ENOX1: variants seen among roughly 807,000 people sequenced by gnomAD.
The protein encoded by ENOX1 is candidate growth-related and time keeping constitutive hydroquinone (NADH) oxidase.
A neutral mutation model predicts 82.5 loss-of-function variants in ENOX1; 42 were observed. The ratio of observed to expected loss-of-function variants is 0.51; its 90% CI spans 0.40 to 0.66. The LOEUF (loss-of-function observed/expected upper bound fraction) is 0.66. ENOX1 is among the 30% of genes least tolerant of loss of function. The pLI, the probability that ENOX1 is intolerant of heterozygous loss-of-function variation, is 0.00. For synonymous variants in ENOX1, 271 were observed against 282.2 expected (o/e 0.96, Z 0.40); for missense variants, 608 against 811.6 (o/e 0.75, Z 3.05).
intron 3 of ENOX1, among the ~76,000 whole-genome samples, chr13:43,472,968 TCAGA>T (rs1218668970): frequency 2.0e-5 from 3 of 152,230 alleles, no homozygotes; most frequent in Non-Finnish European, 4.4e-5. Flanking sequence ...GCAGGAATTC[TCAGA>T]CAGGAATAAA....
intron 2 of ENOX1, chr13:43,544,351 T>C (rs1395798125): frequency 2.0e-5 from 3 of 152,188 alleles, no homozygotes; most frequent in African/African-American, 7.2e-5. Context: ...TGATTCATGT[T>C]AAGTGCCTGA....
chr13:43,346,021 C>T (rs752893203), intron 8 of ENOX1, among the ~76,000 whole-genome samples: 1 of 152,164 alleles, frequency 6.6e-6, no homozygotes, highest in Non-Finnish European at 1.5e-5. Flanking sequence ...AAAAAGATTT[C>T]GTTTCACTCA....
At chr13:43,438,900 C>G (rs1239352594) in intron 3 of ENOX1, among the ~76,000 whole-genome samples, 1 of 152,150 alleles carries the variant, frequency 6.6e-6, no homozygotes, top group Non-Finnish European at 1.5e-5. Context: ...CGATCCATAG[C>G]TCTTTGAGTG....
At chr13:43,342,953 G>A (rs183724518) in intron 9 of ENOX1, among the ~76,000 whole-genome samples, 24 of 152,278 alleles carry the variant, frequency 1.6e-4, no homozygotes, top group East Asian at 5.8e-4. Flanking sequence ...CAAAGAAAAC[G>A]AAGTTCTCAC....
At chr13:43,346,920 C>T (rs1218168002) in intron 8 of ENOX1, among the ~76,000 whole-genome samples, 1 of 151,930 alleles carries the variant, frequency 6.6e-6, no homozygotes, top group Non-Finnish European at 1.5e-5. Flanking sequence ...AGAACACTGA[C>T]TTCATGTACT....
intron 3 of ENOX1, among the ~76,000 whole-genome samples, chr13:43,432,858 G>T (rs2055766670): frequency 6.6e-6 from 1 of 151,780 alleles, no homozygotes; most frequent in African/African-American, 2.4e-5. Context: ...TACCTCAAAG[G>T]AGCAGCGCTG....
chr13:43,317,411 A>G (rs145272342), intron 11 of ENOX1, among the ~76,000 whole-genome samples: 1 of 152,252 alleles, frequency 6.6e-6, no homozygotes, highest in African/African-American at 2.4e-5. Flanking sequence ...GTGCCTGATT[A>G]TAATCTTCCT....
chr13:43,284,015 T>C (rs993381503), intron 12 of ENOX1, among the ~76,000 whole-genome samples: 1 of 152,136 alleles, frequency 6.6e-6, no homozygotes, highest in Admixed American at 6.5e-5. Flanking sequence ...TCTAACAATT[T>C]AGTGTGGTCA....
chr13:43,766,741 G>C (rs1321178038), intron 1 of ENOX1, among the ~76,000 whole-genome samples: 5 of 152,156 alleles, frequency 3.3e-5, no homozygotes, highest in African/African-American at 9.7e-5. Context: ...ACAAGGTCAA[G>C]CTACGGACAG....
intron 1 of ENOX1, among the ~76,000 whole-genome samples, chr13:43,737,668 A>C (rs2089698892): frequency 6.6e-6 from 1 of 152,342 alleles, no homozygotes; most frequent in Middle Eastern, 3.4e-3. Context: ...TATATTCACA[A>C]CTAGGAAGGA....
At position 43,584,792 on chromosome 13, in the gene ENOX1, T is replaced by C. The variant is rs548333768; in HGVS notation, c.-219+82687A>G. Among the ~76,000 whole-genome samples, 45 of 152,312 alleles carry C rather than the reference T, an allele frequency of 3.0e-4. 1 individual carries two copies. The highest frequency in any genetic ancestry group is 2.7e-3 in the Admixed American group (41 of 15,302). ...AATCTAGTAGTGACTTTTGATTTCC[T>C]GCTCCCCCTGTTGATCCATCCATCC... On this transcript the variant is annotated intron_variant, in intron 2 of 16. Transcript: ENST00000690772.
chr13:43,635,635 A>C (rs1284143827), intron 2 of ENOX1, among the ~76,000 whole-genome samples: 2 of 152,206 alleles, frequency 1.3e-5, no homozygotes, highest in African/African-American at 4.8e-5. Context: ...AAAATTATCC[A>C]ATATAAAATA....
intron 2 of ENOX1, among the ~76,000 whole-genome samples, chr13:43,637,765 A>G (rs2083468474): frequency 6.6e-6 from 1 of 152,134 alleles, no homozygotes; most frequent in South Asian, 2.1e-4. Flanking sequence ...AGCTGTCCCA[A>G]AATTTTACAG....
intron 1 of ENOX1, among the ~76,000 whole-genome samples, chr13:43,715,234 TG>T (rs888783372): frequency 2.6e-5 from 4 of 152,228 alleles, no homozygotes; most frequent in African/African-American, 9.6e-5. Flanking sequence ...TGTTGAATAT[TG>T]GCCCCCACTG....
chr13:43,466,895 T>G (rs556915082), intron 3 of ENOX1, among the ~76,000 whole-genome samples: 1 of 152,318 alleles, frequency 6.6e-6, no homozygotes, highest in East Asian at 1.9e-4. Context: ...TCAGACAATA[T>G]GTAGTCTGTG....
At chr13:43,546,969 G>A (rs189781230) in intron 2 of ENOX1, 1 of 152,328 alleles carries the variant, frequency 6.6e-6, no homozygotes, top group Non-Finnish European at 1.5e-5. Flanking sequence ...GATAACGCAG[G>A]CAGGACTAAA....
intron 1 of ENOX1, among the ~76,000 whole-genome samples, chr13:43,768,980 GAAAAT>G (rs767735830): frequency 2.0e-5 from 3 of 152,250 alleles, no homozygotes; most frequent in South Asian, 4.1e-4. Context: ...TAGTATCAGT[GAAAAT>G]AAAATAAACA....
intron 2 of ENOX1, among the ~76,000 whole-genome samples, chr13:43,639,301 C>CAAAAATA (rs1443727909): frequency 6.6e-6 from 1 of 151,704 alleles, no homozygotes; most frequent in Admixed American, 6.6e-5. Context: ...GAATCCACCT[C>CAAAAATA]AAAAATAAAA....
At chr13:43,705,872 C>A (rs2087246132) in intron 1 of ENOX1, among the ~76,000 whole-genome samples, 1 of 152,050 alleles carries the variant, frequency 6.6e-6, no homozygotes, top group Non-Finnish European at 1.5e-5. Flanking sequence ...AGTACACATT[C>A]TTGTCCAGTA....
Sources: allele counts gnomAD v4.1 joint callset (sites outside exome capture counted in the v4.1 genomes callset), GRCh38; gene constraint gnomAD v4.1.1; transcripts MANE v1.5; gene names NCBI Gene and HGNC (gene_info 2026-07-23, HGNC 2026-07-21).